Variants in CACNG7 observed in about 807,000 individuals in gnomAD.
CACNG7 encodes the protein calcium voltage-gated channel auxiliary subunit gamma 7.
In CACNG7, 9 loss-of-function variants were observed where a neutral mutation model predicts 26.3. The observed-to-expected ratio is 0.34, with a 90% confidence interval of 0.21 to 0.60. The LOEUF (loss-of-function observed/expected upper bound fraction) is 0.60. Ranked by LOEUF, CACNG7 falls within the 20% of genes least tolerant of loss-of-function variation. The probability of loss-of-function intolerance (pLI) is 0.81; values close to 1 mark genes in which losing one functional copy is unlikely to be tolerated. For missense variants in CACNG7, 297 were observed against 380.4 expected (o/e 0.78, Z 1.82); for synonymous variants, 170 against 157.0 (o/e 1.08, Z -0.62).
chr19:53,929,698 C>T (rs2069058513), intron 4 of CACNG7, among the ~76,000 whole-genome samples: 1 of 152,128 alleles, frequency 6.6e-6, no homozygotes, highest in African/African-American at 2.4e-5. Flanking sequence ...CCTCCTTGGC[C>T]TCCCAAAGTG....
chr19:53,923,034 G>A lies in CACNG7; in HGVS notation c.424+7529G>A, dbSNP rs1482986562. The stretch of plus-strand genomic sequence containing the variant: ...TGCCCCAGGCCTGGTCATTGGTGCA[G>A]TTGTCCCAGGCCTGGTCATTGGTGC... On this transcript the variant is annotated intron_variant, in intron 4 of 5. Transcript: ENST00000391767. 1.7e-5 allele frequency among the ~76,000 whole-genome samples: 2 copies of A among 115,156 alleles called. 1 individual carries two copies. The highest frequency in any genetic ancestry group is 3.4e-5 in the Non-Finnish European group (2 of 58,508). 75.5% of individuals were successfully genotyped at this position (115,156 alleles called of 152,430 possible).
intron 4 of CACNG7, among the ~76,000 whole-genome samples, chr19:53,934,643 C>T (rs1400396161): frequency 6.6e-6 from 1 of 151,864 alleles, no homozygotes; most frequent in Non-Finnish European, 1.5e-5. Context: ...TGTGGTGGCG[C>T]ATGCCTGTTG....
At chr19:53,921,795 T>TCCCCAGGTCTGGTCATGGGTGGAGTTG in intron 4 of CACNG7, among the ~76,000 whole-genome samples, 1 of 68,148 alleles carries the variant, frequency 1.5e-5, no homozygotes, top group Non-Finnish European at 2.7e-5. Context: ...GGTGGAGTTG[T>TCCCCAGGTCTGGTCATGGGTGGAGTTG]CCCCAGGTCT....
Position 53,942,316 on chromosome 19 carries a change from C to A in CACNG7, c.*23C>A, listed in dbSNP as rs752785108. 3 of 1,582,234 alleles carry A rather than the reference C, an allele frequency of 1.9e-6. No individual in the cohort carries two copies. Among genetic ancestry groups the A allele is most frequent in the Non-Finnish European group, 1.7e-6 (2 of 1,167,482 alleles). On this transcript the variant is annotated 3_prime_UTR_variant, in exon 6 of 6. Coordinates refer to ENST00000391767, the MANE Select transcript of CACNG7 (RefSeq NM_031896.5). This position sits in a 1 kb window ranked among gnomAD's most constrained non-coding sequence, Gnocchi z 5.9. ...TGAGGCCCGCCCCTCGGAGCTCCCC[C>A]TGCCTCCTCCTCCTCCTCGTCTTAG...
At chr19:53,925,020 A>G (rs1436756213) in intron 4 of CACNG7, among the ~76,000 whole-genome samples, 2 of 102,686 alleles carry the variant, frequency 1.9e-5, no homozygotes, top group African/African-American at 4.8e-5. Flanking sequence ...GTATTGGTGG[A>G]CTTGCCTAGG....
At chr19:53,925,960 T>C (rs1484956838) in intron 4 of CACNG7, among the ~76,000 whole-genome samples, 2 of 152,140 alleles carry the variant, frequency 1.3e-5, no homozygotes, top group Non-Finnish European at 2.9e-5. Context: ...TTCCAGGTCA[T>C]AAGAGGCATG....
chr19:53,931,800 C>T (rs1174105227), intron 4 of CACNG7, among the ~76,000 whole-genome samples: 4 of 122,266 alleles, frequency 3.3e-5, no homozygotes, highest in East Asian at 2.6e-4. Context: ...CTGGCTCTGT[C>T]GCCCAGGTTG....
In CACNG7 at chr19:53,922,716, CCCCAGGTCTGGTCATTGGTGGAGTTGT is replaced by C. The variant is rs1599979853; in HGVS notation, c.424+7233_424+7259del. Among the ~76,000 whole-genome samples, 10 of 52,636 alleles carry C rather than the reference CCCCAGGTCTGGTCATTGGTGGAGTTGT, an allele frequency of 1.9e-4. 1 individual carries two copies. Among genetic ancestry groups the C allele is most frequent in the Non-Finnish European group, 2.8e-4 (9 of 32,114 alleles). 34.5% of individuals were successfully genotyped at this position (52,636 alleles called of 152,430 possible). A position where few individuals can be genotyped will look rare whatever the true frequency, so the allele number is the denominator to read the frequency against. ...CCAGGTCTGGTCATTGGTGGAGTTG[CCCCAGGTCTGGTCATTGGTGGAGTTGT>C]CCCAGGTCTGGTCATTGGTGGGGTT... On this transcript the variant is annotated intron_variant, in intron 4 of 5. Coordinates refer to ENST00000391767, the MANE Select transcript of CACNG7 (RefSeq NM_031896.5).
chr19:53,922,024 TC>T (rs1357727038), intron 4 of CACNG7, among the ~76,000 whole-genome samples: 4 of 81,274 alleles, frequency 4.9e-5, no homozygotes, highest in Admixed American at 1.2e-4. Context: ...CCAGGTCTGG[TC>T]ATTGGTGGAG....
At chr19:53,941,994 G>T in intron 5 of CACNG7, 42 bp from the exon 6 acceptor site, 1 of 1,532,150 alleles carries the variant, frequency 6.5e-7, no homozygotes, top group Non-Finnish European at 8.8e-7. Context: ...CCGGGGATGC[G>T]CAGGGGGGCG....
chr19:53,941,347 A>C, intron 4 of CACNG7, 123 bp from the exon 5 acceptor site: 2 of 1,123,290 alleles, frequency 1.8e-6, no homozygotes, highest in East Asian at 2.8e-5. Context: ...CCCAGCATAC[A>C]AGGGGCTTCA....
At chr19:53,918,805 G>A (rs903519685) in intron 4 of CACNG7, among the ~76,000 whole-genome samples, 5 of 152,032 alleles carry the variant, frequency 3.3e-5, no homozygotes, top group Non-Finnish European at 5.9e-5. Context: ...TTTCGCTCTC[G>A]TCGCCCAGGC....
intron 4 of CACNG7, among the ~76,000 whole-genome samples, chr19:53,921,931 C>G (rs1331463248): frequency 9.7e-6 from 1 of 103,404 alleles, no homozygotes; most frequent in Non-Finnish European, 1.9e-5. Context: ...TGGAGTTGTC[C>G]CCAGGTCTGG....
At chr19:53,916,890 C>T (rs548656457) in intron 4 of CACNG7, among the ~76,000 whole-genome samples, 7 of 151,832 alleles carry the variant, frequency 4.6e-5, no homozygotes, top group South Asian at 2.1e-4. Flanking sequence ...CTCTGCCTCC[C>T]GGGTTCAAGC....
At chr19:53,923,528 GT>G (rs1382448864) in intron 4 of CACNG7, among the ~76,000 whole-genome samples, 316 of 129,814 alleles carry the variant, frequency 2.4e-3, no homozygotes, top group African/African-American at 8.6e-3. Context: ...GTTGCCCCAG[GT>G]CTGGTCATTG....
intron 4 of CACNG7, among the ~76,000 whole-genome samples, chr19:53,927,243 G>A (rs2069038186): frequency 6.6e-6 from 1 of 152,116 alleles, no homozygotes; most frequent in African/African-American, 2.4e-5. Context: ...TTTCAAACAT[G>A]TTCTTGTTTG....
chr19:53,916,535 C>G (rs1470961356), intron 4 of CACNG7, among the ~76,000 whole-genome samples: 2 of 136,690 alleles, frequency 1.5e-5, no homozygotes, highest in African/African-American at 2.8e-5. Flanking sequence ...GTTGCCCAGG[C>G]TGGAGTACAA....
chr19:53,923,906 T>C (rs307928), intron 4 of CACNG7, among the ~76,000 whole-genome samples: 21 of 109,028 alleles, frequency 1.9e-4, no homozygotes, highest in South Asian at 6.7e-4. Flanking sequence ...TTGCCCCAGG[T>C]CTGGTCATTG....
At chr19:53,915,749 C>T (rs780767823) in intron 4 of CACNG7, among the ~76,000 whole-genome samples, 91 of 152,156 alleles carry the variant, frequency 6.0e-4, no homozygotes, top group Non-Finnish European at 1.1e-3. Flanking sequence ...TTCTCACACT[C>T]GCAACAACCT....
Sources: allele counts gnomAD v4.1 joint callset (sites outside exome capture counted in the v4.1 genomes callset), GRCh38; gene constraint gnomAD v4.1.1; non-coding constraint Gnocchi (gnomAD v3.1); transcripts MANE v1.5; gene names NCBI Gene and HGNC (gene_info 2026-07-23, HGNC 2026-07-21).